Variants in SOX5 observed in about 807,000 individuals in gnomAD.
SOX5 encodes transcription factor SOX-5.
Under a neutral mutation model 92.0 loss-of-function variants are expected in SOX5, and 9 were observed. The ratio of observed to expected loss-of-function variants is 0.10; its 90% CI spans 0.06 to 0.17. The LOEUF (loss-of-function observed/expected upper bound fraction) is 0.17, where lower values mean the gene tolerates loss of function less well. Among genes scored for constraint, SOX5 ranks in the 10% least tolerant of loss-of-function variants. The pLI is 1.00. For missense variants in SOX5, 642 were observed against 944.5 expected (o/e 0.68, Z 4.20); for synonymous variants, 344 against 336.3 (o/e 1.02, Z -0.25).
chr12:24,254,718 AAT>A (rs10556060), intron 3 of SOX5, among the ~76,000 whole-genome samples: 135,192 of 146,678 alleles, frequency 0.92, 62,969 homozygotes, highest in Non-Finnish European at 0.99. Context: ...GGGCTGCTCA[AAT>A]ATATATATAT....
chr12:23,879,796 C>T (rs1490544243), intron 2 of SOX5, among the ~76,000 whole-genome samples: 1 of 152,114 alleles, frequency 6.6e-6, no homozygotes, highest in African/African-American at 2.4e-5. Context: ...GAATCCAGGG[C>T]ACTGGAGAAC....
At chr12:23,792,751 T>C (rs1262003078) in intron 3 of SOX5, among the ~76,000 whole-genome samples, 2 of 150,718 alleles carry the variant, frequency 1.3e-5, no homozygotes, top group Non-Finnish European at 3.0e-5. Context: ...TGTGATGATT[T>C]AAACTGCTTT....
At chr12:23,576,124 C>T (rs1304018525) in intron 9 of SOX5, among the ~76,000 whole-genome samples, 1 of 152,078 alleles carries the variant, frequency 6.6e-6, no homozygotes, top group Non-Finnish European at 1.5e-5. Context: ...AAAAGCTACT[C>T]TTTGTGCTAT....
At chr12:24,061,753 A>C (rs1354452655) in intron 4 of SOX5, among the ~76,000 whole-genome samples, 2 of 121,108 alleles carry the variant, frequency 1.7e-5, no homozygotes, top group Non-Finnish European at 3.6e-5. Flanking sequence ...AGAAAAAAAA[A>C]AAAAAAAAAA....
chr12:23,750,254 C>A (rs1233948363), intron 4 of SOX5, among the ~76,000 whole-genome samples: 1 of 151,820 alleles, frequency 6.6e-6, no homozygotes, highest in Non-Finnish European at 1.5e-5. Context: ...TATGTAAAAT[C>A]AGAATTAAAT....
chr12:24,084,694 G>A (rs1341584621), intron 4 of SOX5, among the ~76,000 whole-genome samples: 1 of 151,882 alleles, frequency 6.6e-6, no homozygotes, highest in Non-Finnish European at 1.5e-5. Flanking sequence ...TTCAAAAGTG[G>A]TGCTCCTCAT....
At chr12:23,707,378 G>C (rs11047054) in intron 6 of SOX5, among the ~76,000 whole-genome samples, 4 of 151,974 alleles carry the variant, frequency 2.6e-5, no homozygotes, top group Non-Finnish European at 5.9e-5. Context: ...CCTATCTGTC[G>C]AGCCCCTTAG....
intron 8 of SOX5, among the ~76,000 whole-genome samples, chr12:23,623,862 A>C (rs1566457187): frequency 6.6e-6 from 1 of 152,128 alleles, no homozygotes; most frequent in Non-Finnish European, 1.5e-5. Flanking sequence ...TGAAAGCAGG[A>C]TCTAGAAGAG....
At chr12:24,011,128 C>T (rs181455337) in intron 4 of SOX5, among the ~76,000 whole-genome samples, 2 of 152,070 alleles carry the variant, frequency 1.3e-5, no homozygotes, top group African/African-American at 2.4e-5. Context: ...ACTGAAGTAG[C>T]CTATTTAGAA....
At chr12:24,086,048 C>G (rs989628315) in intron 4 of SOX5, among the ~76,000 whole-genome samples, 1 of 151,708 alleles carries the variant, frequency 6.6e-6, no homozygotes, top group Non-Finnish European at 1.5e-5. Flanking sequence ...ACTACTTTTG[C>G]CAAATCAGAA....
intron 4 of SOX5, among the ~76,000 whole-genome samples, chr12:24,007,237 ATATATAAATG>A (rs1355092811): frequency 8.5e-5 from 1 of 11,804 alleles, no homozygotes; most frequent in African/African-American, 1.9e-4. Flanking sequence ...ATGTATTTAT[ATATATAAATG>A]TATATAAATG....
Position 24,355,282 on chromosome 12 carries a change from CTTTTTTTTTTTTTTTTTTTTT to C in SOX5, c.-174+13260_-174+13280del, listed in dbSNP as rs768157437. On this transcript the variant is annotated intron_variant, in intron 2 of 4. Coordinates refer to the SOX5 transcript ENST00000446891. The stretch of plus-strand genomic sequence containing the variant: ...TTAGCAGGTGTGGTGAGGGGTGCAT[CTTTTTTTTTTTTTTTTTTTTT>C]TTTTTTTTTTTTTTTTTTTTTTGAG... Among the ~76,000 whole-genome samples the C allele has an allele frequency of 4.0e-4, 29 of 71,930 alleles. 1 individual carries two copies. Among genetic ancestry groups the C allele is most frequent in the African/African-American group, 9.5e-4 (13 of 13,614 alleles). The allele number at this position is 71,930 out of a possible 152,430, so 47.2% of individuals were successfully genotyped here.
intron 1 of SOX5, among the ~76,000 whole-genome samples, chr12:24,410,330 T>C (rs1963850548): frequency 6.6e-6 from 1 of 152,190 alleles, no homozygotes; most frequent in African/African-American, 2.4e-5. Flanking sequence ...TTAATGAAGT[T>C]CAGTTTATCA....
chr12:23,597,500 C>CA (rs1952671553), intron 9 of SOX5, among the ~76,000 whole-genome samples: 1 of 152,190 alleles, frequency 6.6e-6, no homozygotes, highest in Admixed American at 6.5e-5. Context: ...AGGCTCATCA[C>CA]AGGGGTTCTG....
At chr12:24,139,792 T>C (rs1188540386) in intron 4 of SOX5, among the ~76,000 whole-genome samples, 1 of 152,196 alleles carries the variant, frequency 6.6e-6, no homozygotes, top group Non-Finnish European at 1.5e-5. Context: ...AGGAAACTGC[T>C]TGGGGTGTTA....
chr12:24,537,886 G>C (rs1020959582), intron 1 of SOX5, among the ~76,000 whole-genome samples: 15 of 152,088 alleles, frequency 9.9e-5, no homozygotes, highest in African/African-American at 3.4e-4. Flanking sequence ...ACCCATGCTG[G>C]TTTTGTATCT....
Position 23,715,089 on chromosome 12 carries a change from G to C in SOX5, c.810+19595C>G, listed in dbSNP as rs180788386. 2.8e-3 allele frequency among the ~76,000 whole-genome samples: 430 copies of C among 152,148 alleles called. 1 individual carries two copies. Among genetic ancestry groups the C allele is most frequent in the African/African-American group, 9.9e-3 (412 of 41,510 alleles). ...CCGAGGCGGGCGGATCACGAGGTCA[G>C]GAGATCAAGACCATCCTGGCTAACA... On this transcript the variant is annotated intron_variant, in intron 6 of 14. Transcript: ENST00000451604.
At chr12:24,540,498 C>T (rs1411174082) in intron 1 of SOX5, among the ~76,000 whole-genome samples, 2 of 152,216 alleles carry the variant, frequency 1.3e-5, no homozygotes, top group South Asian at 2.1e-4. Flanking sequence ...TCTAAATATC[C>T]TCAATGGTGA....
chr12:24,521,201 T>C (rs1286223404), intron 1 of SOX5, among the ~76,000 whole-genome samples: 2 of 152,130 alleles, frequency 1.3e-5, no homozygotes, highest in Non-Finnish European at 2.9e-5. Flanking sequence ...ATTACAGGCG[T>C]TTGCCACCAC....
Sources: allele counts gnomAD v4.1 joint callset (sites outside exome capture counted in the v4.1 genomes callset), GRCh38; gene constraint gnomAD v4.1.1; transcripts MANE v1.5; gene names NCBI Gene and HGNC (gene_info 2026-07-23, HGNC 2026-07-21).